ZDHHC7: variants seen among roughly 807,000 people sequenced by gnomAD.
ZDHHC7 encodes the protein palmitoyltransferase ZDHHC7.
ZDHHC7 carries 12 observed loss-of-function variants against 34.1 expected under a neutral mutation model. The observed-to-expected ratio is 0.35, with a 90% CI of 0.23 to 0.57. ZDHHC7 has a LOEUF of 0.57. Among genes scored for constraint, ZDHHC7 ranks in the 20% least tolerant of loss-of-function variants. The pLI is 0.84. For synonymous variants in ZDHHC7, 185 were observed against 155.4 expected, an observed-to-expected ratio of 1.19 and a Z score of -1.42; for missense variants, 388 against 402.7, an observed-to-expected ratio of 0.96 and a Z score of 0.31.
At chr16:84,988,820 G>C (rs1446446041) in intron 3 of ZDHHC7, 6 of 1,551,670 alleles carry the variant, frequency 3.9e-6, no homozygotes, top group Non-Finnish European at 4.4e-6. Flanking sequence ...CAAGGGTTGG[G>C]TCCAGCCCAG....
At chr16:85,009,638 A>G (rs2072762163) in intron 1 of ZDHHC7, among the ~76,000 whole-genome samples, 1 of 151,920 alleles carries the variant, frequency 6.6e-6, no homozygotes, top group Non-Finnish European at 1.5e-5. Context: ...AATTTAGTTA[A>G]TATTTCAGTT....
At chr16:85,000,786 C>T (rs2143710842) in intron 1 of ZDHHC7, among the ~76,000 whole-genome samples, 1 of 152,298 alleles carries the variant, frequency 6.6e-6, no homozygotes, top group Admixed American at 6.5e-5. Context: ...CAAGGATGTG[C>T]AGCCAAAGAC....
At chr16:84,990,666 G>A (rs1322833040) in intron 2 of ZDHHC7, 31 bp from the exon 3 acceptor site, 3 of 1,568,278 alleles carry the variant, frequency 1.9e-6, no homozygotes, top group Admixed American at 1.8e-5. Flanking sequence ...GAGCTGGTAA[G>A]GCTCAAAAAG....
chr16:85,022,278 T>C, the ZDHHC7 span, among the ~76,000 whole-genome samples: 1 of 152,038 alleles, frequency 6.6e-6, no homozygotes, highest in East Asian at 1.9e-4. Flanking sequence ...CCCAGCACTT[T>C]AGGAGGCCGA....
At chr16:85,023,447 A>G in the ZDHHC7 span, among the ~76,000 whole-genome samples, 147,697 of 152,296 alleles carry the variant, frequency 0.97, 71,638 homozygotes, top group East Asian at 1. Context: ...TTACAGGCAT[A>G]AGCCACCACA....
At chr16:85,007,040 T>C (rs1399790499) in intron 1 of ZDHHC7, among the ~76,000 whole-genome samples, 1 of 152,022 alleles carries the variant, frequency 6.6e-6, no homozygotes, top group Non-Finnish European at 1.5e-5. Context: ...AACCGTAAGA[T>C]GCTGAACCAA....
At chr16:85,007,007 G>A (rs924510101) in intron 1 of ZDHHC7, among the ~76,000 whole-genome samples, 9 of 142,746 alleles carry the variant, frequency 6.3e-5, no homozygotes, top group East Asian at 4.5e-4. Context: ...ATAAGACACC[G>A]TAGAAGAACA....
At position 84,975,443 on chromosome 16, in the gene ZDHHC7, C is replaced by G. The variant is rs1351254965; in HGVS notation, c.*900G>C. The G allele has an allele frequency of 6.8e-6, 1 of 147,770 alleles. No homozygotes were observed. Among genetic ancestry groups the G allele is most frequent in the Non-Finnish European group, 1.5e-5 (1 of 66,540 alleles). 9.2% of individuals were successfully genotyped at this position (147,770 alleles called of 1,614,324 possible). A position where few individuals can be genotyped will look rare whatever the true frequency, so the allele number is the denominator to read the frequency against. Reference sequence around the variant, plus strand: ...TGCCATTTATACACTGCTAATTTGGCTGGAACAAAAAAAAAAAATCAGTTC... The same window carrying G: ...TGCCATTTATACACTGCTAATTTGGGTGGAACAAAAAAAAAAAATCAGTTC... On this transcript the variant is annotated 3_prime_UTR_variant, in exon 8 of 8. Coordinates refer to ENST00000313732, the MANE Select transcript of ZDHHC7 (RefSeq NM_017740.3).
intron 1 of ZDHHC7, among the ~76,000 whole-genome samples, chr16:85,007,035 T>TAAGATGCTGAACCAAAATA (rs71962491): frequency 0.17 from 25,739 of 151,530 alleles, 3,091 homozygotes; most frequent in East Asian, 0.32. Context: ...TTCAAAACCG[T>TAAGATGCTGAACCAAAATA]AAGATGCTGA....
intron 2 of ZDHHC7, among the ~76,000 whole-genome samples, chr16:84,992,826 T>A (rs1302664116): frequency 6.6e-6 from 1 of 152,204 alleles, no homozygotes; most frequent in African/African-American, 2.4e-5. Context: ...GTTTTTCAAA[T>A]CTGGGTGTGA....
At chr16:85,012,393 A>AG, upstream of ZDHHC7, among the ~76,000 whole-genome samples, 1 of 151,614 alleles carries the variant, frequency 6.6e-6, no homozygotes, top group Non-Finnish European at 1.5e-5. Context: ...AAAAAAAAAA[A>AG]AAGCATATCT....
At chr16:85,012,806 G>A (rs928117875), upstream of ZDHHC7, among the ~76,000 whole-genome samples, 5 of 152,150 alleles carry the variant, frequency 3.3e-5, no homozygotes, top group African/African-American at 1.2e-4. Context: ...TCGGGAGGCT[G>A]AGGCAGGAGA....
chr16:84,982,116 G>T, intron 3 of ZDHHC7, 122 bp from the exon 4 acceptor site: 1 of 1,329,912 alleles, frequency 7.5e-7, no homozygotes, highest in Non-Finnish European at 1.0e-6. Flanking sequence ...TGGATCACGG[G>T]GTCAGGAGTT....
At position 84,976,340 on chromosome 16, in the gene ZDHHC7, G is replaced by A. The variant is rs761380680; in HGVS notation, c.*3C>T. The A allele has an allele frequency of 1.2e-5, 20 of 1,613,568 alleles. No homozygotes were observed. The highest frequency in any genetic ancestry group is 4.0e-5 in the African/African-American group (3 of 74,794). ...AGCAAGTTTCAGTCTGATGAGCCAC[G>A]CCTCACACTGAGAACTCCGGGCCAC... On this transcript the variant is annotated 3_prime_UTR_variant, in exon 8 of 8. Coordinates refer to ENST00000313732, the MANE Select transcript of ZDHHC7 (RefSeq NM_017740.3).
intron 1 of ZDHHC7, among the ~76,000 whole-genome samples, chr16:85,000,089 G>T (rs941268225): frequency 6.6e-6 from 1 of 151,760 alleles, no homozygotes; most frequent in Admixed American, 6.6e-5. Flanking sequence ...GCAGTGAGCT[G>T]TGTTTGTGCC....
At chr16:85,006,585 A>G (rs1266345720) in intron 1 of ZDHHC7, among the ~76,000 whole-genome samples, 3 of 151,440 alleles carry the variant, frequency 2.0e-5, no homozygotes, top group African/African-American at 7.3e-5. Context: ...GTAATTTAAA[A>G]AAAAAGGAGC....
At chr16:85,009,380 T>C (rs1035135444) in intron 1 of ZDHHC7, among the ~76,000 whole-genome samples, 10 of 152,066 alleles carry the variant, frequency 6.6e-5, no homozygotes, top group Non-Finnish European at 1.3e-4. Flanking sequence ...ATTCTATTCA[T>C]GCTAATACTC....
chr16:85,017,070 TG>T, the ZDHHC7 span, among the ~76,000 whole-genome samples: 4 of 152,080 alleles, frequency 2.6e-5, no homozygotes, highest in Admixed American at 2.6e-4. Context: ...GCCTCCCAAG[TG>T]CTGGGATTAC....
At chr16:85,027,573 G>C in the ZDHHC7 span, among the ~76,000 whole-genome samples, 1 of 152,228 alleles carries the variant, frequency 6.6e-6, no homozygotes, top group African/African-American at 2.4e-5. Context: ...AGCCAGCAAG[G>C]GGGCGCCGGG....
Sources: allele counts gnomAD v4.1 joint callset (sites outside exome capture counted in the v4.1 genomes callset), GRCh38; gene constraint gnomAD v4.1.1; transcripts MANE v1.5; gene names NCBI Gene and HGNC (gene_info 2026-07-23, HGNC 2026-07-21).